Variants in MIOX observed in about 807,000 individuals in gnomAD.
MIOX encodes inositol oxygenase.
Under a neutral mutation model 42.7 loss-of-function variants are expected in MIOX, and 51 were observed. The ratio of observed to expected loss-of-function variants is 1.19; its 90% CI spans 0.95 to 1.51. The LOEUF (loss-of-function observed/expected upper bound fraction) is 1.51. Ranked by LOEUF, MIOX falls within the 40% of genes most tolerant of loss-of-function variation. The probability of loss-of-function intolerance (pLI) is 0.00; values close to 1 mark genes in which losing one functional copy is unlikely to be tolerated. For synonymous variants in MIOX, 168 were observed against 154.4 expected (o/e 1.09, Z -0.65); for missense variants, 395 against 381.3 (o/e 1.04, Z -0.30).
rs373124006 is a variant in MIOX at position 50,487,881 on chromosome 22, G to A, written c.178-5G>A. ...GGGCCACACTGCCTTCTCCTTCCCC[G>A]CCAGCATGCCCAGTTTGGGGGCTTC... is the stretch of plus-strand genomic sequence containing the variant. On this transcript the variant is annotated splice_polypyrimidine_tract_variant and splice_region_variant and intron_variant, in intron 3 of 9. Transcript: ENST00000216075. 81 of 1,613,518 alleles carry A rather than the reference G, an allele frequency of 5.0e-5. No homozygotes were observed. The highest frequency in any genetic ancestry group is 3.3e-4 in the Middle Eastern group (2 of 6,078).
rs1569516817 is a variant in MIOX at position 50,490,623 on chromosome 22, AAAAT to A, written c.*775_*778del. 1 of 152,292 alleles carries A rather than the reference AAAAT, an allele frequency of 6.6e-6. No homozygotes were observed. Among genetic ancestry groups the A allele is most frequent in the African/African-American group, 2.4e-5 (1 of 41,440 alleles). The allele number at this position is 152,292 out of a possible 1,614,324, so 9.4% of individuals were successfully genotyped here. A position where few individuals can be genotyped will look rare whatever the true frequency, so the allele number is the denominator to read the frequency against. ...TCAAGAGTGAAATTCCATCTCAAAA[AAAAT>A]AAATAAAATAAAATAAAACAAGTGC... On this transcript the variant is annotated 3_prime_UTR_variant, in exon 10 of 10. Transcript: ENST00000216075.
chr22:50,487,044 G>T, intron 1 of MIOX, 132 bp downstream of exon 1: 1 of 1,200,146 alleles, frequency 8.3e-7, no homozygotes, highest in African/African-American at 1.5e-5. Flanking sequence ...AGCGGCTGCC[G>T]ACCCCCAGGC....
chr22:50,487,322 T>C, intron 1 of MIOX, 63 bp from the exon 2 acceptor site: 12 of 1,395,400 alleles, frequency 8.6e-6, no homozygotes, highest in Non-Finnish European at 1.2e-5. Context: ...ACCCTGGGAA[T>C]GTCTGTGCTT....
rs1603437877 is a variant in MIOX at position 50,489,590 on chromosome 22, A to T, written c.695A>T (p.Gln232Leu). The T allele has an allele frequency of 1.2e-6, 2 of 1,612,366 alleles. No individual in the cohort carries two copies. Among genetic ancestry groups the T allele is most frequent in the Non-Finnish European group, 1.7e-6 (2 of 1,179,808 alleles). ...CCCTGGCACACGGGCCGCGACTACC[A>T]GCAGCTGTGCAGCCAGCAGGACCTG... ...FYPWHTGRDYQQLCSQQDLAM... is the reference protein window; with the variant it reads ...FYPWHTGRDYLQLCSQQDLAM... The change falls in exon 9 of 10, where the codon CAG becomes CTG. Residue 232 changes from glutamine (Q) to leucine (L), a missense_variant. Coordinates refer to ENST00000216075, the MANE Select transcript of MIOX (RefSeq NM_017584.6).
intron 6 of MIOX, 28 bp from the exon 7 acceptor site, chr22:50,489,200 C>T: frequency 6.2e-7 from 1 of 1,611,228 alleles, no homozygotes; most frequent in South Asian, 1.1e-5. Context: ...GGCTGCTGAG[C>T]CCTCCTCACC....
chr22:50,487,975 G>A lies in MIOX; in HGVS notation c.267G>A (p.Pro89=), dbSNP rs759027278. Residue 89 remains proline, a synonymous_variant, in exon 4 of 10, where the codon CCG becomes CCA. Coordinates refer to ENST00000216075, the MANE Select transcript of MIOX (RefSeq NM_017584.6). The part of the protein sequence containing the change: ...LLDGLVDESD[P]DVDFPNSFHA... ...ATGGGCTGGTGGATGAGTCGGACCC[G>A]GACGTAGATTTCCCCAACTCCTTCC... The A allele has an allele frequency of 2.1e-5, 34 of 1,613,902 alleles. No homozygotes were observed. Among genetic ancestry groups the A allele is most frequent in the Non-Finnish European group, 2.6e-5 (31 of 1,179,958 alleles).
Position 50,487,860 on chromosome 22 carries a change from C to A in MIOX, c.178-26C>A, listed in dbSNP as rs1296930274. ...TGTGGTGGGCCTGCTGACCCTGGGC[C>A]ACACTGCCTTCTCCTTCCCCGCCAG... On this transcript the variant is annotated intron_variant, in intron 3 of 9. Coordinates refer to ENST00000216075, the MANE Select transcript of MIOX (RefSeq NM_017584.6). 1.9e-6 allele frequency: 3 copies of A among 1,613,234 alleles called. No homozygotes were observed. In the South Asian group the frequency reaches 3.3e-5, roughly 18 times the overall value.
intron 9 of MIOX, 38 bp downstream of exon 9, chr22:50,489,682 G>C: frequency 8.8e-7 from 1 of 1,130,614 alleles, no homozygotes; most frequent in Non-Finnish European, 1.3e-6. Flanking sequence ...TTGTGGGAGT[G>C]AAAGAGGGGG....
rs11556222 is a variant in MIOX at position 50,489,820 on chromosome 22, C to T, written c.822C>T (p.Leu274=). The T allele has an allele frequency of 5.6e-6, 9 of 1,611,482 alleles. No individual in the cohort carries two copies. Among genetic ancestry groups the T allele is most frequent in the Admixed American group, 5.0e-5 (3 of 59,994 alleles). The change falls in exon 10 of 10, where the codon CTC becomes CTT. Residue 274 remains leucine (L), a synonymous_variant. Transcript: ENST00000216075. ...AGCTGCGGCCCTACTACCAGGGGCT[C>T]ATTGACAAGTACTGCCCTGGCATCC... ...VDKLRPYYQG[L]IDKYCPGILS... is the part of the protein sequence containing the mutation.
Position 50,489,299 on chromosome 22 carries a change from A to T in MIOX, c.586+4A>T, listed in dbSNP as rs770343614. ...CTCATGTCCTGGGGCCATGATGGTGAGGCCAGAGGCGGGCAGTGGGGCGGT... is the reference window on the plus strand; with the variant it reads ...CTCATGTCCTGGGGCCATGATGGTGTGGCCAGAGGCGGGCAGTGGGGCGGT... On this transcript the variant is annotated splice_donor_region_variant and intron_variant, in intron 7 of 9. Transcript: ENST00000216075. The T allele has an allele frequency of 2.2e-6, 3 of 1,354,420 alleles. No homozygotes were observed. The highest frequency in any genetic ancestry group is 2.9e-6 in the Non-Finnish European group (3 of 1,036,572). The allele number at this position is 1,354,420 out of a possible 1,614,324, so 83.9% of individuals were successfully genotyped here. A position where few individuals can be genotyped will look rare whatever the true frequency, so the allele number is the denominator to read the frequency against.
intron 5 of MIOX, among the ~76,000 whole-genome samples, chr22:50,488,735 G>GC (rs111414974): frequency 8.3e-5 from 8 of 96,924 alleles, no homozygotes; most frequent in African/African-American, 3.3e-4. Flanking sequence ...TTCCCCCACG[G>GC]CCCCCCATGG....
At position 50,489,138 on chromosome 22, in the gene MIOX, T is replaced by C; in HGVS notation, c.507T>C (p.Asp169=). 6.2e-7 allele frequency: 1 copy of C among 1,613,330 alleles called. No individual in the cohort carries two copies. Among genetic ancestry groups the C allele is most frequent in the Non-Finnish European group, 8.5e-7 (1 of 1,179,910 alleles). Residue 169 remains aspartate (D), a synonymous_variant, in exon 6 of 10, where the codon GAT becomes GAC. Transcript: ENST00000216075. The part of the protein sequence containing the change: ...STFQDNPDLQ[D]PRYSTELGMY... ...TCCAGGACAACCCTGACCTCCAGGA[T>C]CCTCGATACAGGTGCTCCCTGCTGC...
chr22:50,489,173 G>A, intron 6 of MIOX, 24 bp downstream of exon 6: 1 of 1,612,384 alleles, frequency 6.2e-7, no homozygotes, highest in South Asian at 1.1e-5. Context: ...CTGAGGGCTG[G>A]GCCCCCTTCC....
rs1252622864 is a variant in MIOX, at chr22:50,488,055, C to A, written c.340+7C>A. 6.2e-7 allele frequency: 1 copy of A among 1,613,270 alleles called. No homozygotes were observed. ...AAGGCCCACCCAGACAAGGGTGAGC[C>A]CTGGCTGTGCTGCAGGGGGGCAGGT... On this transcript the variant is annotated splice_region_variant and intron_variant, in intron 4 of 9. Coordinates refer to ENST00000216075, the MANE Select transcript of MIOX (RefSeq NM_017584.6).
chr22:50,487,330 C>T (rs2068281591), intron 1 of MIOX, 55 bp from the exon 2 acceptor site: 9 of 1,460,892 alleles, frequency 6.2e-6, no homozygotes, highest in Non-Finnish European at 8.5e-6. Context: ...AATGTCTGTG[C>T]TTCCTCGTGG....
Position 50,489,903 on chromosome 22 carries a change from C to T in MIOX, c.*47C>T, listed in dbSNP as rs1457165527. ...TGCTGGACCTAGGCCTGGCCCTCCG[C>T]CTGCCTGGAGAGGCCTGGCCCTGGG... On this transcript the variant is annotated 3_prime_UTR_variant, in exon 10 of 10. Coordinates refer to ENST00000216075, the MANE Select transcript of MIOX (RefSeq NM_017584.6). 6.4e-6 allele frequency: 10 copies of T among 1,566,420 alleles called. No individual in the cohort carries two copies. The African/African-American group carries it at 1.1e-4, about 17-fold the overall frequency.
Position 50,487,667 on chromosome 22 carries a change from T to C in MIOX, c.102T>C (p.Gly34=), listed in dbSNP as rs1415861587. 8 of 1,612,584 alleles carry C rather than the reference T, an allele frequency of 5.0e-6. No homozygotes were observed. Among genetic ancestry groups the C allele is most frequent in the Non-Finnish European group, 5.9e-6 (7 of 1,179,626 alleles). Residue 34 remains glycine, a synonymous_variant, in exon 3 of 10, where the codon GGT becomes GGC. Coordinates refer to ENST00000216075, the MANE Select transcript of MIOX (RefSeq NM_017584.6). ...ACTGACCCTCCGGCCTGCAGTCAGG[T>C]CCCCTCCTGGACCGTGTCTTCACCA... ...DKASFRNYTS[G]PLLDRVFTTY...
Position 50,488,228 on chromosome 22 carries a change from C to T in MIOX, c.341-47C>T, listed in dbSNP as rs150083164. The T allele has an allele frequency of 1.6e-3, 2,568 of 1,611,986 alleles. 31 individuals are homozygous for T. Among genetic ancestry groups the T allele is most frequent in the East Asian group, 8.7e-3 (391 of 44,856 alleles). On this transcript the variant is annotated intron_variant, in intron 4 of 9. Transcript: ENST00000216075. ...GCCCCGCAAACCTGCTCATCCTCTG[C>T]CTTGGCCCCTGCAGTCCCCAACCTG... is the stretch of plus-strand genomic sequence containing the variant.
rs762437720 is a variant in MIOX, at chr22:50,486,880, G to A, written c.-18G>A. On this transcript the variant is annotated 5_prime_UTR_variant, in exon 1 of 10. Coordinates refer to ENST00000216075, the MANE Select transcript of MIOX (RefSeq NM_017584.6). The stretch of plus-strand genomic sequence containing the variant: ...CGCCAGCCTGTGCTTTGCCACCTGA[G>A]CGCCGCTCCCTCTCAGGATGAAGGT... 2 of 1,613,944 alleles carry A rather than the reference G, an allele frequency of 1.2e-6. No homozygotes were observed. Among genetic ancestry groups the A allele is most frequent in the East Asian group, 2.2e-5 (1 of 44,888 alleles).
Sources: allele counts gnomAD v4.1 joint callset (sites outside exome capture counted in the v4.1 genomes callset), GRCh38; gene constraint gnomAD v4.1.1; transcripts MANE v1.5; gene names NCBI Gene and HGNC (gene_info 2026-07-23, HGNC 2026-07-21).